Variants in PEX5L observed in about 807,000 individuals in gnomAD.
PEX5L encodes the protein PEX5-related protein.
In PEX5L, 30 loss-of-function variants were observed where a neutral mutation model predicts 84.0. The observed-to-expected ratio is 0.36, with a 90% CI of 0.27 to 0.48. The LOEUF is 0.48. PEX5L is among the 20% of genes least tolerant of loss of function. PEX5L has a pLI of 0.99. For synonymous variants in PEX5L, 270 were observed against 283.1 expected (o/e 0.95, Z 0.46); for missense variants, 533 against 754.6 (o/e 0.71, Z 3.44).
At chr3:179,830,164 A>G (rs1732239950) in intron 8 of PEX5L, among the ~76,000 whole-genome samples, 1 of 151,856 alleles carries the variant, frequency 6.6e-6, no homozygotes, top group African/African-American at 2.4e-5. Flanking sequence ...TTTTCCTCTC[A>G]TTCTTTCAGA....
At chr3:179,970,010 T>C (rs956561006) in intron 2 of PEX5L, among the ~76,000 whole-genome samples, 3 of 152,142 alleles carry the variant, frequency 2.0e-5, no homozygotes, top group African/African-American at 7.2e-5. Context: ...TGGCTTCCTT[T>C]GGCTTTTCAC....
At chr3:179,899,214 T>A (rs554732393) in intron 2 of PEX5L, among the ~76,000 whole-genome samples, 2 of 152,178 alleles carry the variant, frequency 1.3e-5, no homozygotes, top group Non-Finnish European at 2.9e-5. Flanking sequence ...ATATTACCTT[T>A]CCATCCCAAT....
At chr3:179,874,875 G>A (rs1046749114) in intron 6 of PEX5L, among the ~76,000 whole-genome samples, 1 of 150,774 alleles carries the variant, frequency 6.6e-6, no homozygotes, top group Non-Finnish European at 1.5e-5. Flanking sequence ...ACGGAAGCCA[G>A]ACACTGCCCT....
intron 1 of PEX5L, among the ~76,000 whole-genome samples, chr3:179,980,218 T>C (rs1786195622): frequency 3.3e-5 from 5 of 152,316 alleles, no homozygotes; most frequent in Admixed American, 3.3e-4. Context: ...ATAAAATTCA[T>C]GCAGAAAGTT....
chr3:179,873,276 T>G (rs371445248), intron 7 of PEX5L, among the ~76,000 whole-genome samples: 1 of 152,216 alleles, frequency 6.6e-6, no homozygotes, highest in African/African-American at 2.4e-5. Context: ...CTTATAGCAC[T>G]CAGTAATATC....
chr3:180,015,912 T>C (rs1561067067), intron 1 of PEX5L, among the ~76,000 whole-genome samples: 1 of 148,454 alleles, frequency 6.7e-6, no homozygotes, highest in African/African-American at 2.5e-5. Flanking sequence ...GTATAATAAA[T>C]AAACAAAAGT....
At chr3:179,891,940 C>A (rs774021623) in intron 3 of PEX5L, among the ~76,000 whole-genome samples, 1 of 152,122 alleles carries the variant, frequency 6.6e-6, no homozygotes, top group African/African-American at 2.4e-5. Context: ...AACATTTATT[C>A]TTTCCTTATG....
chr3:179,961,825 C>A (rs565019613), intron 2 of PEX5L, among the ~76,000 whole-genome samples: 1 of 152,234 alleles, frequency 6.6e-6, no homozygotes, highest in East Asian at 1.9e-4. Flanking sequence ...GTTCATTAGA[C>A]AAAAGCACTG....
intron 8 of PEX5L, among the ~76,000 whole-genome samples, chr3:179,836,139 G>A (rs916248850): frequency 3.3e-5 from 5 of 151,990 alleles, no homozygotes; most frequent in African/African-American, 9.7e-5. Flanking sequence ...ACCGTTGCTC[G>A]TCAACTCTGA....
intron 2 of PEX5L, among the ~76,000 whole-genome samples, chr3:179,943,861 T>C (rs1341824423): frequency 6.6e-6 from 1 of 152,132 alleles, no homozygotes; most frequent in Non-Finnish European, 1.5e-5. Flanking sequence ...ACATCAGCTA[T>C]TCAAATTCCC....
intron 9 of PEX5L, among the ~76,000 whole-genome samples, chr3:179,817,170 T>C (rs1189178209): frequency 6.6e-6 from 1 of 152,242 alleles, no homozygotes; most frequent in African/African-American, 2.4e-5. Flanking sequence ...GGGGCTATAT[T>C]GCCCCTGTTG....
At chr3:179,948,879 T>C (rs1221488410) in intron 2 of PEX5L, among the ~76,000 whole-genome samples, 2 of 152,248 alleles carry the variant, frequency 1.3e-5, no homozygotes, top group Non-Finnish European at 2.9e-5. Flanking sequence ...TAAGAAGTTT[T>C]TTAGAGCATT....
intron 8 of PEX5L, among the ~76,000 whole-genome samples, chr3:179,848,506 T>A (rs1301144596): frequency 7.0e-6 from 1 of 142,024 alleles, no homozygotes; most frequent in Non-Finnish European, 1.5e-5. Flanking sequence ...TGAACTGAGA[T>A]CATGCCACTG....
intron 1 of PEX5L, among the ~76,000 whole-genome samples, chr3:180,018,594 C>T (rs979147359): frequency 3.3e-5 from 5 of 152,176 alleles, no homozygotes; most frequent in African/African-American, 1.2e-4. Flanking sequence ...CCAAACCTGC[C>T]TTTCATTTTA....
At chr3:179,941,849 C>T (rs950842303) in intron 2 of PEX5L, among the ~76,000 whole-genome samples, 1 of 151,718 alleles carries the variant, frequency 6.6e-6, no homozygotes, top group African/African-American at 2.4e-5. Context: ...AGTGAAAACC[C>T]GTCTCTACTA....
At chr3:179,908,903 A>C (rs1415742208) in intron 2 of PEX5L, among the ~76,000 whole-genome samples, 1 of 152,114 alleles carries the variant, frequency 6.6e-6, no homozygotes, top group Non-Finnish European at 1.5e-5. Context: ...TTATCTTTTG[A>C]AAATAGGATG....
intron 2 of PEX5L, among the ~76,000 whole-genome samples, chr3:179,956,624 A>G (rs1014297127): frequency 6.6e-6 from 1 of 152,210 alleles, no homozygotes; most frequent in Non-Finnish European, 1.5e-5. Context: ...TTCTTTTCTC[A>G]GCTAACTTAA....
chr3:180,005,299 C>T (rs1788780851), intron 1 of PEX5L, among the ~76,000 whole-genome samples: 2 of 151,930 alleles, frequency 1.3e-5, no homozygotes, highest in South Asian at 2.1e-4. Flanking sequence ...GTTTTCCTGT[C>T]ACCCAGGCTG....
rs1026060042 is a variant in PEX5L at position 180,010,262 on chromosome 3, TTTTTC to T, written c.21+26312_21+26316del. 1.9e-4 allele frequency among the ~76,000 whole-genome samples: 27 copies of T among 141,266 alleles called. 2 individuals are homozygous for T. Among genetic ancestry groups the T allele is most frequent in the African/African-American group, 7.1e-4 (24 of 34,000 alleles). 92.7% of individuals were successfully genotyped at this position (141,266 alleles called of 152,430 possible). On this transcript the variant is annotated intron_variant, in intron 1 of 14. Transcript: ENST00000467460. Reference sequence around the variant, plus strand: ...ACCCGGCCTCTTTTTTTTTTTTTTTTTTTTCTGTAGAGATGGAGGTCTTACTATGT... The same window carrying T: ...ACCCGGCCTCTTTTTTTTTTTTTTTTTGTAGAGATGGAGGTCTTACTATGT...
Sources: allele counts gnomAD v4.1 joint callset (sites outside exome capture counted in the v4.1 genomes callset), GRCh38; gene constraint gnomAD v4.1.1; transcripts MANE v1.5; gene names NCBI Gene and HGNC (gene_info 2026-07-23, HGNC 2026-07-21).